Variants in RMDN2 observed in about 807,000 individuals in gnomAD.
RMDN2 encodes the protein regulator of microtubule dynamics 2, also known as regulator of microtubule dynamics protein 2.
RMDN2 carries 61 observed loss-of-function variants against 52.8 expected under a neutral mutation model. The ratio of observed to expected loss-of-function variants is 1.16; its 90% CI spans 0.94 to 1.43. RMDN2 has a LOEUF of 1.43. Among genes scored for constraint, RMDN2 ranks in the 40% most tolerant of loss-of-function variants. The pLI, the probability that RMDN2 is intolerant of heterozygous loss-of-function variation, is 0.00. For synonymous variants in RMDN2, 180 were observed against 153.1 expected, an observed-to-expected ratio of 1.18 and a Z score of -1.30; for missense variants, 592 against 475.3, an observed-to-expected ratio of 1.25 and a Z score of -2.28.
At chr2:38,025,739 A>C (rs1191000207) in intron 10 of RMDN2, among the ~76,000 whole-genome samples, 3 of 151,986 alleles carry the variant, frequency 2.0e-5, no homozygotes, top group Non-Finnish European at 4.4e-5. Context: ...TTACTGTTTT[A>C]GTTTATATGA....
At chr2:37,977,524 A>T (rs1366196434) in intron 4 of RMDN2, among the ~76,000 whole-genome samples, 2 of 151,114 alleles carry the variant, frequency 1.3e-5, no homozygotes. Context: ...CACTTCCCGG[A>T]TGGGGCGGCT....
intron 10 of RMDN2, chr2:38,030,856 G>C (rs1176428668): frequency 1.3e-5 from 2 of 152,170 alleles, no homozygotes; most frequent in Non-Finnish European, 2.9e-5. Context: ...CACATTCAGA[G>C]CCATACAATG....
intron 7 of RMDN2, among the ~76,000 whole-genome samples, chr2:37,996,601 GAAA>G (rs1161536445): frequency 5.9e-4 from 34 of 58,004 alleles, no homozygotes; most frequent in East Asian, 8.5e-4. Context: ...AAAAAAAAAA[GAAA>G]AAAAAAAAAA....
At chr2:38,042,405 ACACACACACACACACACAC>A (rs539610057) in intron 10 of RMDN2, among the ~76,000 whole-genome samples, 42,842 of 122,224 alleles carry the variant, frequency 0.35, 7,680 homozygotes, top group South Asian at 0.55. Context: ...TCCCCCCGCC[ACACACACACACACACACAC>A]CACACACACA....
At chr2:38,010,669 A>G (rs887224626) in intron 10 of RMDN2, among the ~76,000 whole-genome samples, 4 of 152,114 alleles carry the variant, frequency 2.6e-5, no homozygotes, top group Non-Finnish European at 5.9e-5. Context: ...CAGGTGAGGC[A>G]ATGTCTTGCC....
At chr2:37,975,095 T>C (rs985865710) in intron 3 of RMDN2, 117 bp from the exon 4 acceptor site, 7 of 676,566 alleles carry the variant, frequency 1.0e-5, no homozygotes, top group Non-Finnish European at 1.9e-5. Flanking sequence ...ATAGATTCAA[T>C]AATCTATAAA....
chr2:37,997,814 C>T (rs764188892), intron 8 of RMDN2: 10 of 300,778 alleles, frequency 3.3e-5, no homozygotes, highest in Non-Finnish European at 5.0e-5. Flanking sequence ...AAGAACAGCT[C>T]TCTGAGTCAC....
intron 10 of RMDN2, among the ~76,000 whole-genome samples, chr2:38,023,149 A>T (rs1043694687): frequency 7.2e-5 from 11 of 152,190 alleles, no homozygotes; most frequent in Admixed American, 3.3e-4. Flanking sequence ...CCCATTTAAG[A>T]TAGGGGAGCT....
chr2:37,989,059 A>G lies in RMDN2; in HGVS notation c.792-482A>G, dbSNP rs938969958. ...ATTTATTTGCATATTTATTGGTATTAAAGGAGCTCATGAAATTGTAAGTTT... is the reference window on the plus strand; with the variant it reads ...ATTTATTTGCATATTTATTGGTATTGAAGGAGCTCATGAAATTGTAAGTTT... On this transcript the variant is annotated intron_variant, in intron 5 of 10. Coordinates refer to ENST00000354545, the MANE Select transcript of RMDN2 (RefSeq NM_001170791.3). Among the ~76,000 whole-genome samples the G allele has an allele frequency of 4.6e-5, 7 of 152,286 alleles. 1 individual carries two copies. In the East Asian group the frequency reaches 1.3e-3, roughly 29 times the overall value.
chr2:37,951,672 G>A lies in RMDN2; in HGVS notation c.452+21943G>A. On this transcript the variant is annotated intron_variant, in intron 2 of 10. Transcript: ENST00000354545. Reference sequence around the variant, plus strand: ...TGATCCTCAAGCAAGTGGCCAGAATGTGTTTAATCTAAATGAAATCGAAAT... The same window carrying A: ...TGATCCTCAAGCAAGTGGCCAGAATATGTTTAATCTAAATGAAATCGAAAT... The A allele has an allele frequency of 6.2e-7, 1 of 1,613,194 alleles. No homozygotes were observed. Among genetic ancestry groups the A allele is most frequent in the Non-Finnish European group, 8.5e-7 (1 of 1,179,636 alleles).
chr2:37,980,155 C>T (rs570983716), intron 4 of RMDN2, among the ~76,000 whole-genome samples: 1 of 152,002 alleles, frequency 6.6e-6, no homozygotes, highest in African/African-American at 2.4e-5. Flanking sequence ...ATAGTCTCTT[C>T]AAGATAATAA....
At chr2:38,001,926 G>T (rs1399075777) in intron 8 of RMDN2, among the ~76,000 whole-genome samples, 1 of 152,178 alleles carries the variant, frequency 6.6e-6, no homozygotes, top group Non-Finnish European at 1.5e-5. Context: ...GATGGTCAAG[G>T]CTCTGGCTTG....
At chr2:38,058,439 G>A (rs1308700413) in intron 10 of RMDN2, among the ~76,000 whole-genome samples, 5 of 152,094 alleles carry the variant, frequency 3.3e-5, no homozygotes, top group African/African-American at 9.7e-5. Flanking sequence ...GAGAAGCAAC[G>A]CCCCAGATTC....
intron 5 of RMDN2, among the ~76,000 whole-genome samples, chr2:37,985,951 G>A (rs2125116222): frequency 6.6e-6 from 1 of 152,178 alleles, no homozygotes; most frequent in East Asian, 1.9e-4. Flanking sequence ...GTACAGTTTT[G>A]ACAAATGTAC....
intron 2 of RMDN2, among the ~76,000 whole-genome samples, chr2:37,936,244 A>T (rs1422570322): frequency 6.6e-6 from 1 of 152,132 alleles, no homozygotes; most frequent in Admixed American, 6.5e-5. Flanking sequence ...TTTTTTAGGG[A>T]TGCATGGTAT....
chr2:37,929,453 A>G lies in RMDN2; in HGVS notation c.176A>G (p.His59Arg). 1.9e-6 allele frequency: 3 copies of G among 1,551,766 alleles called. No individual in the cohort carries two copies. The highest frequency in any genetic ancestry group is 2.4e-5 in the South Asian group (2 of 84,060). ...FNSITLQDEI[H>R]DDQGTTVIFQ... ...TCAATAACTTTGCAAGATGAAATAC[A>G]TGATGACCAAGGAACAACAGTAATC... The change falls in exon 2 of 11, where the codon CAT becomes CGT. Residue 59 changes from histidine to arginine, a missense_variant. Coordinates refer to ENST00000354545, the MANE Select transcript of RMDN2 (RefSeq NM_001170791.3).
chr2:38,012,629 A>AT (rs903789072), intron 10 of RMDN2: 4 of 466,406 alleles, frequency 8.6e-6, no homozygotes, highest in African/African-American at 4.0e-5. Context: ...ATTCTTAGCA[A>AT]TTTTTTTCCA....
intron 10 of RMDN2, chr2:38,029,682 G>A (rs528718585): frequency 6.6e-6 from 1 of 151,586 alleles, no homozygotes; most frequent in African/African-American, 2.4e-5. Context: ...AGTGGAGAAA[G>A]AGGGAGAGGA....
intron 10 of RMDN2, among the ~76,000 whole-genome samples, chr2:38,034,870 A>G (rs1406102677): frequency 6.6e-6 from 1 of 151,960 alleles, no homozygotes; most frequent in Non-Finnish European, 1.5e-5. Flanking sequence ...TATTTAAAAA[A>G]AAGCTTTTTA....
Sources: gnomAD v4.1 joint callset for allele counts (sites outside exome capture counted in the v4.1 genomes callset) on GRCh38, gnomAD v4.1.1 for gene constraint, MANE v1.5 for transcripts, NCBI Gene and HGNC (gene_info 2026-07-23, HGNC 2026-07-21) for gene names.